Variants in MAP7D1 observed in about 807,000 individuals in gnomAD.
The protein encoded by MAP7D1 is MAP7 domain-containing protein 1.
Under a neutral mutation model 97.5 loss-of-function variants are expected in MAP7D1, and 30 were observed. The observed-to-expected ratio is 0.31, with a 90% CI of 0.23 to 0.42. The LOEUF (loss-of-function observed/expected upper bound fraction) is 0.42. Ranked by LOEUF, MAP7D1 falls within the 10% of genes least tolerant of loss-of-function variation. MAP7D1 has a pLI of 1.00. For missense variants in MAP7D1, 1,184 were observed against 1,179.5 expected, an observed-to-expected ratio of 1.00 and a Z score of -0.06; for synonymous variants, 536 against 477.1, an observed-to-expected ratio of 1.12 and a Z score of -1.61.
At position 36,156,305 on chromosome 1, in the gene MAP7D1, A is replaced by T; in HGVS notation, c.-113A>T. On this transcript the variant is annotated 5_prime_UTR_variant, in exon 1 of 17. Transcript: ENST00000474796. ...GGAGCGCCCCCGCCTCCGAGTCGCTACTTGCCGGGCCGGGCCGGGCCGGGC... is the reference window on the plus strand; with the variant it reads ...GGAGCGCCCCCGCCTCCGAGTCGCTTCTTGCCGGGCCGGGCCGGGCCGGGC... The T allele has an allele frequency of 2.3e-6, 2 of 877,618 alleles. No homozygotes were observed. The highest frequency in any genetic ancestry group is 2.7e-5 in the South Asian group (1 of 36,958). 54.4% of individuals were successfully genotyped at this position (877,618 alleles called of 1,614,324 possible). A position where few individuals can be genotyped will look rare whatever the true frequency, so the allele number is the denominator to read the frequency against.
intron 1 of MAP7D1, among the ~76,000 whole-genome samples, chr1:36,158,139 G>A (rs1220153109): frequency 3.8e-5 from 4 of 104,514 alleles, no homozygotes; most frequent in Admixed American, 9.5e-5. Context: ...CTCTCCTAGG[G>A]GCAGGGGGGA....
chr1:36,168,231 G>A (rs1409383610), intron 1 of MAP7D1, among the ~76,000 whole-genome samples: 4 of 150,508 alleles, frequency 2.7e-5, no homozygotes, highest in African/African-American at 4.9e-5. Flanking sequence ...GGAGGCAGAG[G>A]TTGCAGTGAG....
At position 36,179,248 on chromosome 1, in the gene MAP7D1, C is replaced by T. The variant is rs1258465699; in HGVS notation, c.2131-14C>T. ...GCGGGGCTCGAGCCTAACTGATCTG[C>T]GGCCTCCAAACAGCGTCTGGAGGAG... On this transcript the variant is annotated splice_polypyrimidine_tract_variant and intron_variant, in intron 12 of 16. Coordinates refer to ENST00000474796, the MANE Select transcript of MAP7D1 (RefSeq NM_001388490.1). 5 of 1,613,338 alleles carry T rather than the reference C, an allele frequency of 3.1e-6. 1 individual carries two copies. The highest frequency in any genetic ancestry group is 3.3e-5 in the Admixed American group (2 of 59,958).
intron 8 of MAP7D1, 25 bp from the exon 9 acceptor site, chr1:36,177,848 C>T: frequency 6.6e-7 from 1 of 1,524,418 alleles, no homozygotes; most frequent in Non-Finnish European, 8.8e-7. Context: ...GTCTCCTAAC[C>T]CTTCCCTTTT....
At chr1:36,157,019 G>T (rs1237475278) in intron 1 of MAP7D1, among the ~76,000 whole-genome samples, 1 of 152,234 alleles carries the variant, frequency 6.6e-6, no homozygotes, top group Non-Finnish European at 1.5e-5. Flanking sequence ...CTGCGGGCCG[G>T]CGGGGAGGGG....
intron 1 of MAP7D1, among the ~76,000 whole-genome samples, chr1:36,163,153 C>G (rs998330106): frequency 6.6e-6 from 1 of 152,100 alleles, no homozygotes; most frequent in Non-Finnish European, 1.5e-5. Flanking sequence ...CTCTGAGGGA[C>G]TTGGCCCTGA....
rs1644693335 is a variant in MAP7D1, at chr1:36,179,952, C to A, written c.2397C>A (p.Ser799=). 1 of 1,614,078 alleles carries A rather than the reference C, an allele frequency of 6.2e-7. No individual in the cohort carries two copies. Among genetic ancestry groups the A allele is most frequent in the Non-Finnish European group, 8.5e-7 (1 of 1,180,016 alleles). The change falls in exon 16 of 17, where the codon TCC becomes TCA. Residue 799 remains serine, a synonymous_variant. Coordinates refer to ENST00000474796, the MANE Select transcript of MAP7D1 (RefSeq NM_001388490.1). ...CAGCACACCAGGAGAATGGCTTCTC[C>A]ACCAACGGACCCTCTGGGGACAAGA... ...PLPAHQENGF[S]TNGPSGDKSL...
intron 12 of MAP7D1, 106 bp from the exon 13 acceptor site, chr1:36,179,156 T>C (rs1644678680): frequency 6.7e-7 from 1 of 1,491,506 alleles, no homozygotes; most frequent in Non-Finnish European, 9.2e-7. Flanking sequence ...TGGAGAGGGC[T>C]GCTATGAGCT....
intron 12 of MAP7D1, 62 bp from the exon 13 acceptor site, chr1:36,179,200 T>C: frequency 3.2e-6 from 5 of 1,587,138 alleles, no homozygotes; most frequent in Non-Finnish European, 4.3e-6. Context: ...CGGGTCTGGC[T>C]GGTGGGAGGT....
rs1212435514 is a variant in MAP7D1 at position 36,178,837 on chromosome 1, G to C, written c.2025+14G>C. 6.5e-7 allele frequency: 1 copy of C among 1,545,358 alleles called. No individual in the cohort carries two copies. The highest frequency in any genetic ancestry group is 1.2e-5 in the South Asian group (1 of 83,800). ...CTGCAGAAGCAGGTGCCCCCGGCGG[G>C]CGGGAAGCGGCTGGGCGCGGGCGCC... On this transcript the variant is annotated intron_variant, in intron 11 of 16. Coordinates refer to ENST00000474796, the MANE Select transcript of MAP7D1 (RefSeq NM_001388490.1).
chr1:36,161,753 A>G (rs1313791362), intron 1 of MAP7D1, among the ~76,000 whole-genome samples: 2 of 151,918 alleles, frequency 1.3e-5, no homozygotes, highest in Non-Finnish European at 2.9e-5. Flanking sequence ...TGTGTCTCTG[A>G]GGCTTTGTCT....
chr1:36,173,141 T>A (rs1032825713), intron 4 of MAP7D1, among the ~76,000 whole-genome samples: 1 of 152,184 alleles, frequency 6.6e-6, no homozygotes. Flanking sequence ...ACTCAGGAAA[T>A]GACTCAGGAA....
At chr1:36,165,998 G>A (rs1473857793) in intron 1 of MAP7D1, among the ~76,000 whole-genome samples, 1 of 152,154 alleles carries the variant, frequency 6.6e-6, no homozygotes, top group East Asian at 1.9e-4. Flanking sequence ...CCAAGGTGCT[G>A]GGATTACAGG....
rs746024263 is a variant in MAP7D1 at position 36,179,959 on chromosome 1, G to A, written c.2404G>A (p.Gly802Arg). The stretch of plus-strand genomic sequence containing the variant: ...CCAGGAGAATGGCTTCTCCACCAAC[G>A]GACCCTCTGGGGACAAGAGTCTGAG... Reference protein sequence around the residue: ...AHQENGFSTNGPSGDKSLSRT... With the variant: ...AHQENGFSTNRPSGDKSLSRT... The change falls in exon 16 of 17, where the codon GGA becomes AGA. Residue 802 changes from glycine (G) to arginine (R), a missense_variant. Coordinates refer to ENST00000474796, the MANE Select transcript of MAP7D1 (RefSeq NM_001388490.1). 1.3e-5 allele frequency: 21 copies of A among 1,614,030 alleles called. No homozygotes were observed. Among genetic ancestry groups the A allele is most frequent in the African/African-American group, 2.7e-5 (2 of 74,926 alleles).
chr1:36,156,963 G>A (rs1644341380), intron 1 of MAP7D1, among the ~76,000 whole-genome samples: 1 of 151,784 alleles, frequency 6.6e-6, no homozygotes, highest in Non-Finnish European at 1.5e-5. Flanking sequence ...CCCAGACCTC[G>A]CCCCCACCCC....
intron 1 of MAP7D1, among the ~76,000 whole-genome samples, chr1:36,169,972 A>G (rs1048025790): frequency 1.6e-4 from 25 of 152,200 alleles, no homozygotes; most frequent in African/African-American, 6.0e-4. Flanking sequence ...CTTAAAAAAT[A>G]AAAATTTAAA....
rs1206099516 is a variant in MAP7D1 at position 36,158,180 on chromosome 1, G to A, written c.46+1717G>A. Among the ~76,000 whole-genome samples, 5 of 152,140 alleles carry A rather than the reference G, an allele frequency of 3.3e-5. No homozygotes were observed. The East Asian group carries it at 9.7e-4, about 29-fold the overall frequency. On this transcript the variant is annotated intron_variant, in intron 1 of 16. Transcript: ENST00000474796. ...GGTGGGCGGGGAGGGCTGCGTCAGG[G>A]GCCGGTGGGCAGACTGCATATAGGC...
At chr1:36,173,278 T>C in intron 4 of MAP7D1, 86 bp from the exon 5 acceptor site, 1 of 951,336 alleles carries the variant, frequency 1.1e-6, no homozygotes, top group Non-Finnish European at 1.6e-6. Flanking sequence ...GGGGGAGGCA[T>C]TGTCACAGGA....
rs1282421273 is a variant in MAP7D1, at chr1:36,156,204, G to C, written c.-214G>C. ...TGGGCCGGCGCCGGGCGGGGAACGGGTTCGCGACCGCAGCCGAGAGACCCC... is the reference window on the plus strand; with the variant it reads ...TGGGCCGGCGCCGGGCGGGGAACGGCTTCGCGACCGCAGCCGAGAGACCCC... On this transcript the variant is annotated 5_prime_UTR_variant, in exon 1 of 17. Coordinates refer to ENST00000474796, the MANE Select transcript of MAP7D1 (RefSeq NM_001388490.1). The C allele has an allele frequency of 1.4e-5, 6 of 429,432 alleles. No homozygotes were observed. Among genetic ancestry groups the C allele is most frequent in the Non-Finnish European group, 2.4e-5 (6 of 246,420 alleles). 26.6% of individuals were successfully genotyped at this position (429,432 alleles called of 1,614,324 possible).
Sources: gnomAD v4.1 joint callset for allele counts (sites outside exome capture counted in the v4.1 genomes callset) on GRCh38, gnomAD v4.1.1 for gene constraint, MANE v1.5 for transcripts, NCBI Gene and HGNC (gene_info 2026-07-23, HGNC 2026-07-21) for gene names.